The following SPPL3 variants were observed in gnomAD, a reference collection of about 807,000 sequenced individuals.
The protein encoded by SPPL3 is signal peptide peptidase-like 3.
SPPL3 carries 5 observed loss-of-function variants against 42.4 expected under a neutral mutation model. That is an observed-to-expected ratio of 0.12 (90% CI 0.06 to 0.25). The LOEUF (loss-of-function observed/expected upper bound fraction) is 0.25. Among genes scored for constraint, SPPL3 ranks in the 10% least tolerant of loss-of-function variants. The pLI, the probability that SPPL3 is intolerant of heterozygous loss-of-function variation, is 1.00. For synonymous variants in SPPL3, 195 were observed against 181.8 expected (o/e 1.07, Z -0.58); for missense variants, 235 against 489.0 (o/e 0.48, Z 4.90).
At chr12:120,810,977 CTTTGTT>C (rs1566048496) in intron 1 of SPPL3, 91 bp from the exon 2 acceptor site, 2 of 786,514 alleles carry the variant, frequency 2.5e-6, no homozygotes, top group African/African-American at 1.8e-5. Flanking sequence ...CCCCACTGAG[CTTTGTT>C]TTTATCTTTA....
intron 1 of SPPL3, among the ~76,000 whole-genome samples, chr12:120,847,891 A>T (rs1872095477): frequency 6.6e-6 from 1 of 152,220 alleles, no homozygotes; most frequent in Admixed American, 6.5e-5. Context: ...GCCACATTGA[A>T]TCTGAACCGT....
In SPPL3 at chr12:120,771,618, A is replaced by G. The variant is rs540089895; in HGVS notation, c.503-2559T>C. Among the ~76,000 whole-genome samples the G allele has an allele frequency of 5.3e-5, 8 of 152,198 alleles. No individual in the cohort carries two copies. The East Asian group carries it at 1.5e-3, about 29-fold the overall frequency. ...TGAAGGTTCCCCGAGAGCATGGCTCAGTGCTCACCCTTGTAGTCTAGGCCA... is the reference window on the plus strand; with the variant it reads ...TGAAGGTTCCCCGAGAGCATGGCTCGGTGCTCACCCTTGTAGTCTAGGCCA... On this transcript the variant is annotated intron_variant, in intron 6 of 10. Transcript: ENST00000353487.
At chr12:120,859,696 CACTCTGGGAGGT>C (rs2137041105) in intron 1 of SPPL3, among the ~76,000 whole-genome samples, 1 of 152,196 alleles carries the variant, frequency 6.6e-6, no homozygotes, top group African/African-American at 2.4e-5. Flanking sequence ...TGGCTCCCAG[CACTCTGGGAGGT>C]CGAGGCGGGT....
intron 1 of SPPL3, among the ~76,000 whole-genome samples, chr12:120,842,214 T>C (rs1871855659): frequency 6.6e-6 from 1 of 152,174 alleles, no homozygotes; most frequent in Admixed American, 6.5e-5. Context: ...TTTAGGTAGA[T>C]AAGAAGAGGG....
chr12:120,815,533 CTTTG>C (rs949561121), intron 1 of SPPL3, among the ~76,000 whole-genome samples: 1 of 152,048 alleles, frequency 6.6e-6, no homozygotes, highest in Non-Finnish European at 1.5e-5. Context: ...ACTTGGATGA[CTTTG>C]TTTTTGTATC....
At chr12:120,810,101 G>C (rs1870636689) in intron 2 of SPPL3, among the ~76,000 whole-genome samples, 1 of 151,826 alleles carries the variant, frequency 6.6e-6, no homozygotes, top group Admixed American at 6.6e-5. Context: ...TCAGTCTCCT[G>C]AGTAGCTGGG....
At chr12:120,837,477 G>A (rs192783039) in intron 1 of SPPL3, among the ~76,000 whole-genome samples, 1 of 152,244 alleles carries the variant, frequency 6.6e-6, no homozygotes, top group East Asian at 1.9e-4. Flanking sequence ...TAAAATCTTA[G>A]TTCTTCCTGA....
chr12:120,892,545 G>A (rs776978668), intron 1 of SPPL3, among the ~76,000 whole-genome samples: 2 of 152,202 alleles, frequency 1.3e-5, no homozygotes, highest in East Asian at 3.8e-4. Context: ...AAGTAACCCA[G>A]TGTGGCTGAA....
chr12:120,793,828 G>T (rs1040170014), intron 2 of SPPL3, among the ~76,000 whole-genome samples: 1 of 152,172 alleles, frequency 6.6e-6, no homozygotes, highest in Non-Finnish European at 1.5e-5. Flanking sequence ...CCCCATATAT[G>T]GTCTGCATTA....
intron 1 of SPPL3, among the ~76,000 whole-genome samples, chr12:120,881,321 T>C (rs1873273330): frequency 6.6e-6 from 1 of 150,844 alleles, no homozygotes; most frequent in Non-Finnish European, 1.5e-5. Flanking sequence ...ATACAAAAAT[T>C]AGCTGGGCGT....
intron 6 of SPPL3, among the ~76,000 whole-genome samples, chr12:120,776,107 A>C (rs554721778): frequency 6.6e-6 from 1 of 152,372 alleles, no homozygotes; most frequent in East Asian, 1.9e-4. Flanking sequence ...GCTCTCTTTG[A>C]GGAAAAATTC....
At chr12:120,852,760 C>CATGATA (rs1555252649) in intron 1 of SPPL3, among the ~76,000 whole-genome samples, 1 of 51,130 alleles carries the variant, frequency 2.0e-5, no homozygotes, top group Non-Finnish European at 3.2e-5. Flanking sequence ...TATATTATAT[C>CATGATA]TATGTATATT....
At chr12:120,786,266 G>A (rs1400355832) in intron 3 of SPPL3, among the ~76,000 whole-genome samples, 6 of 152,090 alleles carry the variant, frequency 3.9e-5, no homozygotes, top group South Asian at 2.1e-4. Flanking sequence ...GGATCACTTC[G>A]GGAAGTGTAT....
rs762176472 is a variant in SPPL3, at chr12:120,766,089, A to AGC, written c.1083+172_1083+173dup. The stretch of plus-strand genomic sequence containing the variant: ...TGGAAGCGTTTGCTAACGCCAGGGT[A>AGC]GCGCGCGCGCGCACACACACACACA... On this transcript the variant is annotated intron_variant, in intron 10 of 10. Coordinates refer to ENST00000353487, the MANE Select transcript of SPPL3 (RefSeq NM_139015.5). Among the ~76,000 whole-genome samples, 544 of 142,674 alleles carry AGC rather than the reference A, an allele frequency of 3.8e-3. 3 individuals are homozygous for AGC. The highest frequency in any genetic ancestry group is 7.4e-3 in the South Asian group (31 of 4,198). The allele number at this position is 142,674 out of a possible 152,430, so 93.6% of individuals were successfully genotyped here. A position where few individuals can be genotyped will look rare whatever the true frequency, so the allele number is the denominator to read the frequency against.
intron 1 of SPPL3, among the ~76,000 whole-genome samples, chr12:120,886,703 G>A (rs1228689976): frequency 6.6e-6 from 1 of 152,092 alleles, no homozygotes; most frequent in Non-Finnish European, 1.5e-5. Context: ...AGAAAACCCG[G>A]CAGTAACAAT....
At chr12:120,884,101 CAA>C (rs33918080) in intron 1 of SPPL3, among the ~76,000 whole-genome samples, 69,684 of 124,470 alleles carry the variant, frequency 0.56, 18,174 homozygotes, top group Middle Eastern at 0.69. Context: ...AACTATGTCT[CAA>C]AAAAAAAAAA....
intron 1 of SPPL3, among the ~76,000 whole-genome samples, chr12:120,898,565 C>G (rs1275930859): frequency 6.6e-6 from 1 of 151,910 alleles, no homozygotes; most frequent in Non-Finnish European, 1.5e-5. Flanking sequence ...CTGCCAAGAT[C>G]TGACTTAGGT....
rs1593007666 is a variant in SPPL3 at position 120,877,520 on chromosome 12, C to T, written c.23+26325G>A. On this transcript the variant is annotated intron_variant, in intron 1 of 10. Transcript: ENST00000353487. ...ACCCGGCCAGGAGTGGTGGCTCGCG[C>T]CTGTAATCCCAGCACTTTGGGAGGC... Among the ~76,000 whole-genome samples, 3 of 152,304 alleles carry T rather than the reference C, an allele frequency of 2.0e-5. No homozygotes were observed. In the East Asian group the frequency reaches 5.8e-4, roughly 29 times the overall value.
At chr12:120,802,960 T>C (rs12823445) in intron 2 of SPPL3, among the ~76,000 whole-genome samples, 29 of 152,236 alleles carry the variant, frequency 1.9e-4, no homozygotes, top group Non-Finnish European at 3.7e-4. Context: ...ATATTGAAGG[T>C]ACTACAATTC....
Sources: allele counts gnomAD v4.1 joint callset (sites outside exome capture counted in the v4.1 genomes callset), GRCh38; gene constraint gnomAD v4.1.1; transcripts MANE v1.5; gene names NCBI Gene and HGNC (gene_info 2026-07-23, HGNC 2026-07-21).